The following RPGRIP1L variants were observed in gnomAD, a reference collection of about 807,000 sequenced individuals.
RPGRIP1L encodes the protein protein fantom.
A neutral mutation model predicts 160.4 loss-of-function variants in RPGRIP1L; 131 were observed. The ratio of observed to expected loss-of-function variants is 0.82; its 90% CI spans 0.71 to 0.94. The LOEUF is 0.94. Ranked by LOEUF, RPGRIP1L falls within the 40% of genes least tolerant of loss-of-function variation. The pLI, the probability that RPGRIP1L is intolerant of heterozygous loss-of-function variation, is 0.00. For synonymous variants in RPGRIP1L, 510 were observed against 515.8 expected (o/e 0.99, Z 0.15); for missense variants, 1,522 against 1,535.8 (o/e 0.99, Z 0.15).
intron 1 of RPGRIP1L, chr16:53,703,520 G>A (rs1971683352): frequency 6.1e-6 from 1 of 163,272 alleles, no homozygotes; most frequent in South Asian, 1.5e-4. Context: ...TGCAGGATCT[G>A]GATAGAGATG....
chr16:53,622,271 G>C lies in RPGRIP1L; in HGVS notation c.3380C>G (p.Pro1127Arg). The C allele has an allele frequency of 3.0e-6, 2 of 663,002 alleles. No individual in the cohort carries two copies. The highest frequency in any genetic ancestry group is 5.5e-6 in the Non-Finnish European group (2 of 363,674). The allele number at this position is 663,002 out of a possible 1,614,324, so 41.1% of individuals were successfully genotyped here. ...NFRLPGSSDF[P>R]ASASQVDGIT... is the part of the protein sequence containing the mutation. ...CCCATCTACTTGGGAGGCTGAGGCA[G>C]GAAAATCGCTGGAACCCGGGAGGCG... Residue 1127 changes from proline to arginine, a missense_variant, in exon 23 of 27, where the codon CCT becomes CGT. Transcript: ENST00000647211.
chr16:53,642,201 TAGAC>T (rs1228753820), intron 17 of RPGRIP1L, among the ~76,000 whole-genome samples: 2 of 151,700 alleles, frequency 1.3e-5, no homozygotes, highest in African/African-American at 4.8e-5. Flanking sequence ...TTTTTTTAAA[TAGAC>T]AGGTTCTCAC....
At chr16:53,653,101 T>C (rs1966926861) in intron 14 of RPGRIP1L, 114 bp from the exon 15 acceptor site, 1 of 932,802 alleles carries the variant, frequency 1.1e-6, no homozygotes, top group Non-Finnish European at 1.6e-6. Context: ...TATTTTAAAT[T>C]CTATGACTAC....
intron 6 of RPGRIP1L, among the ~76,000 whole-genome samples, chr16:53,677,285 T>C: frequency 6.6e-6 from 1 of 152,182 alleles, no homozygotes; most frequent in Non-Finnish European, 1.5e-5. Context: ...CTTTAAACAA[T>C]ACCTTAAGTA....
At chr16:53,678,246 A>C (rs1305885687) in intron 6 of RPGRIP1L, among the ~76,000 whole-genome samples, 1 of 152,042 alleles carries the variant, frequency 6.6e-6, no homozygotes, top group Non-Finnish European at 1.5e-5. Context: ...AATAAATTAG[A>C]TTTCATGTCC....
chr16:53,686,210 C>T (rs1011858933), intron 6 of RPGRIP1L, among the ~76,000 whole-genome samples: 2 of 152,118 alleles, frequency 1.3e-5, no homozygotes, highest in Admixed American at 1.3e-4. Context: ...GGGTGATTTC[C>T]ACGCATCAGA....
intron 19 of RPGRIP1L, among the ~76,000 whole-genome samples, chr16:53,640,046 CA>C: frequency 6.6e-6 from 1 of 152,112 alleles, no homozygotes; most frequent in Non-Finnish European, 1.5e-5. Flanking sequence ...AAAAGTCCAC[CA>C]CAGAGAATGG....
At chr16:53,621,218 C>A (rs1964685489) in intron 23 of RPGRIP1L, among the ~76,000 whole-genome samples, 1 of 151,888 alleles carries the variant, frequency 6.6e-6, no homozygotes, top group Non-Finnish European at 1.5e-5. Context: ...TTGTAAGAAC[C>A]AATTTAGACT....
intron 22 of RPGRIP1L, among the ~76,000 whole-genome samples, chr16:53,624,242 T>C (rs773502512): frequency 8.5e-5 from 13 of 152,180 alleles, no homozygotes; most frequent in Non-Finnish European, 1.3e-4. Flanking sequence ...CAGGTATTAT[T>C]GCCTTCTCAT....
At chr16:53,630,143 C>T (rs1463617245) in intron 22 of RPGRIP1L, among the ~76,000 whole-genome samples, 1 of 152,128 alleles carries the variant, frequency 6.6e-6, no homozygotes, top group African/African-American at 2.4e-5. Context: ...CTCCTGGGCT[C>T]AAGCGATCCT....
At chr16:53,681,024 C>T (rs1280030830) in intron 6 of RPGRIP1L, among the ~76,000 whole-genome samples, 1 of 152,148 alleles carries the variant, frequency 6.6e-6, no homozygotes, top group African/African-American at 2.4e-5. Context: ...TTCCATTTTT[C>T]TGAAGGTTTG....
At chr16:53,639,814 T>C (rs540384297) in intron 19 of RPGRIP1L, among the ~76,000 whole-genome samples, 4 of 152,296 alleles carry the variant, frequency 2.6e-5, no homozygotes, top group African/African-American at 9.6e-5. Context: ...TGATAAAACA[T>C]CTACTGAATT....
intron 12 of RPGRIP1L, 42 bp downstream of exon 12, chr16:53,658,372 T>C: frequency 7.0e-7 from 1 of 1,424,936 alleles, no homozygotes; most frequent in Non-Finnish European, 9.9e-7. Flanking sequence ...CTGAAACAGT[T>C]GTATGCAGAC....
At chr16:53,672,426 G>A (rs551302632) in intron 8 of RPGRIP1L, among the ~76,000 whole-genome samples, 24 of 152,206 alleles carry the variant, frequency 1.6e-4, no homozygotes, top group African/African-American at 4.8e-4. Flanking sequence ...ACGATAATAG[G>A]AAGATGAGTT....
rs543398459 is a variant in RPGRIP1L, at chr16:53,610,226, T to G, written c.3701+741A>C. Among the ~76,000 whole-genome samples the G allele has an allele frequency of 1.1e-4, 17 of 151,610 alleles. No individual in the cohort carries two copies. In the South Asian group the frequency reaches 1.7e-3, roughly 15 times the overall value. ...AGAAGCACTAACTTTTTAAGATCAGTTTTTTTTTCTTTCTTCTGAAAATTA... is the reference window on the plus strand; with the variant it reads ...AGAAGCACTAACTTTTTAAGATCAGGTTTTTTTTCTTTCTTCTGAAAATTA... On this transcript the variant is annotated intron_variant, in intron 25 of 26. Coordinates refer to ENST00000647211, the MANE Select transcript of RPGRIP1L (RefSeq NM_015272.5).
chr16:53,662,356 A>T (rs1967875015), intron 10 of RPGRIP1L, among the ~76,000 whole-genome samples: 1 of 152,174 alleles, frequency 6.6e-6, no homozygotes, highest in Non-Finnish European at 1.5e-5. Context: ...CATTAACCAA[A>T]TGCAAACTGC....
chr16:53,670,723 A>G (rs1307515298), intron 9 of RPGRIP1L, among the ~76,000 whole-genome samples: 2 of 152,214 alleles, frequency 1.3e-5, no homozygotes, highest in African/African-American at 4.8e-5. Flanking sequence ...CTAACAGAAT[A>G]ACTCTCAGTT....
intron 23 of RPGRIP1L, among the ~76,000 whole-genome samples, chr16:53,620,306 C>T (rs2150967833): frequency 6.6e-6 from 1 of 152,112 alleles, no homozygotes; most frequent in South Asian, 2.1e-4. Context: ...GCTGTCAAAC[C>T]CTCTCAATAT....
chr16:53,684,491 G>A (rs906912162), intron 6 of RPGRIP1L, among the ~76,000 whole-genome samples: 3 of 151,728 alleles, frequency 2.0e-5, no homozygotes, highest in African/African-American at 7.3e-5. Context: ...ACTATCGCAA[G>A]GACAAAAAAC....
Sources: allele counts gnomAD v4.1 joint callset (sites outside exome capture counted in the v4.1 genomes callset), GRCh38; gene constraint gnomAD v4.1.1; transcripts MANE v1.5; gene names NCBI Gene and HGNC (gene_info 2026-07-23, HGNC 2026-07-21).